DLGAP5: variants seen among roughly 807,000 people sequenced by gnomAD.
The protein encoded by DLGAP5 is DLG associated protein 5, also known as disks large-associated protein 5.
A neutral mutation model predicts 99.6 loss-of-function variants in DLGAP5; 90 were observed. That is an observed-to-expected ratio of 0.90 (90% CI 0.76 to 1.08). The LOEUF (loss-of-function observed/expected upper bound fraction) is 1.08. Among genes scored for constraint, DLGAP5 ranks in the 50% least tolerant of loss-of-function variants. DLGAP5 has a pLI of 0.00. For missense variants in DLGAP5, 1,036 were observed against 983.5 expected, an observed-to-expected ratio of 1.05 and a Z score of -0.71; for synonymous variants, 311 against 321.3, an observed-to-expected ratio of 0.97 and a Z score of 0.34.
At chr14:55,159,625 C>A (rs574176449) in intron 13 of DLGAP5, among the ~76,000 whole-genome samples, 1 of 152,258 alleles carries the variant, frequency 6.6e-6, no homozygotes, top group East Asian at 1.9e-4. Flanking sequence ...CATTATGAGA[C>A]AGGGCAACAT....
intron 14 of DLGAP5, among the ~76,000 whole-genome samples, chr14:55,157,877 C>T (rs1459235832): frequency 6.6e-6 from 1 of 152,186 alleles, no homozygotes; most frequent in Non-Finnish European, 1.5e-5. Context: ...ATCCTCCTGC[C>T]CCAGCCTCCC....
intron 8 of DLGAP5, among the ~76,000 whole-genome samples, chr14:55,176,410 T>A (rs891280653): frequency 6.6e-6 from 1 of 152,202 alleles, no homozygotes; most frequent in Non-Finnish European, 1.5e-5. Flanking sequence ...TTTTTCTAAA[T>A]ACTAAGCCAG....
chr14:55,165,085 T>C (rs1008111701), intron 12 of DLGAP5, among the ~76,000 whole-genome samples: 3 of 151,994 alleles, frequency 2.0e-5, no homozygotes, highest in African/African-American at 2.4e-5. Context: ...ACATAAAGAA[T>C]ACTTAAAACT....
Position 55,189,151 on chromosome 14 carries a change from T to G in DLGAP5, c.29A>C (p.His10Pro). MSSSHFASR[H>P]RKDISTEMIR... ...CATTTCAGTACTTATATCCTTCCTG[T>G]GTCGACTGGCAAAATGTGATGAAGA... Residue 10 changes from histidine to proline, a missense_variant, in exon 2 of 19, where the codon CAC (histidine) becomes CCC (proline). By Grantham distance (77) the His-to-Pro change is moderately conservative. Transcript: ENST00000247191. 1 of 1,613,396 alleles carries G rather than the reference T, an allele frequency of 6.2e-7. No homozygotes were observed. Among genetic ancestry groups the G allele is most frequent in the Non-Finnish European group, 8.5e-7 (1 of 1,179,776 alleles).
chr14:55,169,100 T>TG (rs1013797834), intron 12 of DLGAP5, among the ~76,000 whole-genome samples: 51 of 135,934 alleles, frequency 3.8e-4, no homozygotes, highest in Admixed American at 3.2e-3. Flanking sequence ...GGTGTGAACC[T>TG]GGGGGGCAGA....
chr14:55,187,552 C>T (rs924086840), intron 2 of DLGAP5, among the ~76,000 whole-genome samples: 2 of 151,884 alleles, frequency 1.3e-5, no homozygotes, highest in Non-Finnish European at 2.9e-5. Flanking sequence ...CTCTTGACCT[C>T]GCCATCCACC....
intron 1 of DLGAP5, among the ~76,000 whole-genome samples, chr14:55,189,916 G>C (rs1453708714): frequency 1.3e-5 from 2 of 152,070 alleles, no homozygotes; most frequent in East Asian, 3.9e-4. Context: ...GGCTGAAAAT[G>C]CCAACTCTCG....
intron 13 of DLGAP5, among the ~76,000 whole-genome samples, chr14:55,162,642 A>T (rs958609643): frequency 1.3e-5 from 2 of 151,686 alleles, no homozygotes; most frequent in African/African-American, 2.4e-5. Flanking sequence ...GAAGAAGAAG[A>T]ATAAAACCAA....
chr14:55,178,957 G>C (rs914883160), intron 7 of DLGAP5, among the ~76,000 whole-genome samples: 8 of 152,126 alleles, frequency 5.3e-5, no homozygotes, highest in African/African-American at 1.9e-4. Flanking sequence ...TGAGGCAGGA[G>C]AATCACTTGA....
intron 8 of DLGAP5, among the ~76,000 whole-genome samples, chr14:55,176,610 A>G (rs1042750168): frequency 7.8e-6 from 1 of 127,730 alleles, no homozygotes; most frequent in Non-Finnish European, 1.5e-5. Context: ...AATTTTTTTT[A>G]AAGAAAAAAA....
At position 55,177,358 on chromosome 14, in the gene DLGAP5, T is replaced by G. The variant is rs1883109433; in HGVS notation, c.775-22A>C. 4 of 1,550,100 alleles carry G rather than the reference T, an allele frequency of 2.6e-6. 1 individual carries two copies. Among genetic ancestry groups the G allele is most frequent in the Non-Finnish European group, 3.5e-6 (4 of 1,155,694 alleles). On this transcript the variant is annotated intron_variant, in intron 7 of 18. Coordinates refer to ENST00000247191, the MANE Select transcript of DLGAP5 (RefSeq NM_014750.5). Reference sequence around the variant, plus strand: ...TACCCTAGGATGTGAGTTAACAAAGTAGAGTAAGATTTCTCTCTTCTGAGG... The same window carrying G: ...TACCCTAGGATGTGAGTTAACAAAGGAGAGTAAGATTTCTCTCTTCTGAGG...
chr14:55,150,729 T>C, intron 18 of DLGAP5, 70 bp downstream of exon 18: 1 of 1,181,906 alleles, frequency 8.5e-7, no homozygotes, highest in Non-Finnish European at 1.2e-6. Flanking sequence ...TGTACACAAA[T>C]AGAAAAGCAA....
At position 55,151,869 on chromosome 14, in the gene DLGAP5, C is replaced by A; in HGVS notation, c.2194G>T (p.Gly732Ter). The A allele has an allele frequency of 6.2e-7, 1 of 1,613,900 alleles. No homozygotes were observed. The highest frequency in any genetic ancestry group is 8.5e-7 in the Non-Finnish European group (1 of 1,179,900). ...TTAGTATTAATATCATCTGCTACTCCACCAGCAAGAAGAGGCAAACTCATT... is the reference window on the plus strand; with the variant it reads ...TTAGTATTAATATCATCTGCTACTCAACCAGCAAGAAGAGGCAAACTCATT... ...ERMSLPLLAG[G>*]VADDINTNKK... The change falls in exon 17 of 19, where the codon GGA (glycine) becomes TGA (stop). Residue 732 changes from glycine to a stop codon, truncating the protein, a stop_gained. Coordinates refer to ENST00000247191, the MANE Select transcript of DLGAP5 (RefSeq NM_014750.5). LOFTEE classifies it high-confidence loss of function.
intron 18 of DLGAP5, among the ~76,000 whole-genome samples, chr14:55,149,635 A>G (rs1349704261): frequency 6.6e-6 from 1 of 152,222 alleles, no homozygotes; most frequent in Non-Finnish European, 1.5e-5. Context: ...CCGTTTTCTG[A>G]TCTATTCTAG....
At chr14:55,175,277 T>G in intron 10 of DLGAP5, 69 bp downstream of exon 10, 1 of 1,472,660 alleles carries the variant, frequency 6.8e-7, no homozygotes, top group Non-Finnish European at 9.2e-7. Flanking sequence ...AGGTTAAAAA[T>G]TTTTAGTTTT....
intron 12 of DLGAP5, among the ~76,000 whole-genome samples, chr14:55,163,734 TA>T (rs1882530064): frequency 6.6e-6 from 1 of 152,250 alleles, no homozygotes; most frequent in Non-Finnish European, 1.5e-5. Flanking sequence ...AGGTATGTGG[TA>T]GTATCTCACT....
intron 12 of DLGAP5, among the ~76,000 whole-genome samples, chr14:55,164,822 T>C (rs1025990963): frequency 6.6e-6 from 1 of 150,384 alleles, no homozygotes; most frequent in East Asian, 2.0e-4. Flanking sequence ...TTCGGGAGGC[T>C]GAGGCATGAG....
intron 7 of DLGAP5, among the ~76,000 whole-genome samples, chr14:55,178,258 A>G (rs1156303827): frequency 1.3e-5 from 2 of 152,080 alleles, no homozygotes; most frequent in African/African-American, 4.8e-5. Context: ...TCTCAAAAAA[A>G]AAATTATGTT....
chr14:55,190,289 T>TACACACACACACACACACACACACAA (rs1555330254), intron 1 of DLGAP5, among the ~76,000 whole-genome samples: 2 of 147,304 alleles, frequency 1.4e-5, no homozygotes, highest in African/African-American at 5.0e-5. Flanking sequence ...AGAAAAGCCA[T>TACACACACACACACACACACACACAA]ACACACACAC....
Sources: allele counts gnomAD v4.1 joint callset (sites outside exome capture counted in the v4.1 genomes callset), GRCh38; gene constraint gnomAD v4.1.1; transcripts MANE v1.5; gene names NCBI Gene and HGNC (gene_info 2026-07-23, HGNC 2026-07-21).